RBFOX1: variants seen among roughly 807,000 people sequenced by gnomAD.
RBFOX1 encodes RNA binding protein fox-1 homolog 1.
RBFOX1 carries 8 observed loss-of-function variants against 57.7 expected under a neutral mutation model. The observed-to-expected ratio is 0.14, with a 90% CI of 0.08 to 0.25. The LOEUF is 0.25. Ranked by LOEUF, RBFOX1 falls within the 10% of genes least tolerant of loss-of-function variation. RBFOX1 has a pLI of 1.00. For synonymous variants in RBFOX1, 326 were observed against 222.4 expected (o/e 1.47, Z -4.15); for missense variants, 611 against 548.5 (o/e 1.11, Z -1.14).
At chr16:6,777,655 C>A (rs76546613) in intron 3 of RBFOX1, among the ~76,000 whole-genome samples, 2,974 of 152,138 alleles carry the variant, frequency 0.02, 117 homozygotes, top group African/African-American at 0.067. Flanking sequence ...AGTTTCTTAG[C>A]CTGACAGTTT....
chr16:5,554,395 AAAAATT>A (rs1344649709), intron 2 of RBFOX1, among the ~76,000 whole-genome samples: 1 of 152,214 alleles, frequency 6.6e-6, no homozygotes, highest in Non-Finnish European at 1.5e-5. Flanking sequence ...TTAAAAATAA[AAAAATT>A]AAAATTATTT....
rs1341395930 is a variant in RBFOX1, at chr16:5,424,871, TTTTTTTTCTTTCTTTC to T, written c.220-42341_220-42326del. Among the ~76,000 whole-genome samples the T allele has an allele frequency of 6.4e-3, 756 of 118,600 alleles. 24 individuals are homozygous for T. The highest frequency in any genetic ancestry group is 9.9e-3 in the African/African-American group (283 of 28,518). The allele number at this position is 118,600 out of a possible 152,430, so 77.8% of individuals were successfully genotyped here. A position where few individuals can be genotyped will look rare whatever the true frequency, so the allele number is the denominator to read the frequency against. On this transcript the variant is annotated intron_variant, in intron 1 of 2. Coordinates refer to the RBFOX1 transcript ENST00000585867. ...TTTCTCTCTCTCTCTTCTTTCTTTC[TTTTTTTTCTTTCTTTC>T]TTTCTTTCTTTCTTTCTTTCTTTCT...
chr16:6,189,467 T>C (rs1030492378), intron 1 of RBFOX1, among the ~76,000 whole-genome samples: 1 of 152,238 alleles, frequency 6.6e-6, no homozygotes, highest in African/African-American at 2.4e-5. Flanking sequence ...CGGGGCTAAT[T>C]GCTATTTAGC....
chr16:7,283,977 T>C (rs1249414356), intron 4 of RBFOX1, among the ~76,000 whole-genome samples: 1 of 152,220 alleles, frequency 6.6e-6, no homozygotes, highest in African/African-American at 2.4e-5. Flanking sequence ...GAATTGGCAG[T>C]CTCTTTTCTG....
chr16:5,936,976 A>G (rs1351931803), intron 4 of RBFOX1, among the ~76,000 whole-genome samples: 2 of 152,168 alleles, frequency 1.3e-5, no homozygotes, highest in African/African-American at 2.4e-5. Flanking sequence ...TTCTGCTCCT[A>G]TATAATCAGT....
chr16:6,354,512 A>G (rs1172527826), intron 2 of RBFOX1, among the ~76,000 whole-genome samples: 2 of 152,094 alleles, frequency 1.3e-5, no homozygotes, highest in Non-Finnish European at 1.5e-5. Flanking sequence ...TCAGAGGCTC[A>G]AGGTCAAACA....
At chr16:5,396,841 C>T (rs1898652439) in intron 1 of RBFOX1, among the ~76,000 whole-genome samples, 1 of 152,210 alleles carries the variant, frequency 6.6e-6, no homozygotes, top group African/African-American at 2.4e-5. Flanking sequence ...ATTTCTTGAA[C>T]TTCGTTGTCT....
At chr16:7,096,464 T>C (rs535459312) in intron 4 of RBFOX1, among the ~76,000 whole-genome samples, 132 of 152,264 alleles carry the variant, frequency 8.7e-4, no homozygotes, top group Admixed American at 4.4e-3. Flanking sequence ...GCAGCCCTGG[T>C]GGGTGGACCA....
At chr16:7,345,443 G>A (rs1024220718) in intron 4 of RBFOX1, among the ~76,000 whole-genome samples, 2 of 152,162 alleles carry the variant, frequency 1.3e-5, no homozygotes, top group Non-Finnish European at 2.9e-5. Flanking sequence ...TTTGGTGGGG[G>A]CTTAAGGATT....
chr16:6,936,140 G>T (rs909888988), intron 3 of RBFOX1, among the ~76,000 whole-genome samples: 1 of 152,164 alleles, frequency 6.6e-6, no homozygotes, highest in Non-Finnish European at 1.5e-5. Context: ...ACACTTGATG[G>T]ATGCTGGTCT....
At chr16:6,944,106 C>G (rs1019594821) in intron 3 of RBFOX1, among the ~76,000 whole-genome samples, 2 of 152,088 alleles carry the variant, frequency 1.3e-5, no homozygotes, top group Non-Finnish European at 2.9e-5. Flanking sequence ...CTACTTAAGA[C>G]CACACCCTGG....
chr16:7,055,349 C>G (rs1206342779), intron 4 of RBFOX1, among the ~76,000 whole-genome samples: 4 of 152,096 alleles, frequency 2.6e-5, no homozygotes, highest in Non-Finnish European at 2.9e-5. Context: ...TATGGAAAAG[C>G]TAAGAGTTAT....
chr16:6,695,112 T>C (rs2060819454), intron 3 of RBFOX1, among the ~76,000 whole-genome samples: 2 of 151,976 alleles, frequency 1.3e-5, no homozygotes, highest in South Asian at 4.2e-4. Context: ...TGAATATTAC[T>C]GTGTGTAAAA....
chr16:5,725,434 T>A (rs928696623), intron 3 of RBFOX1, among the ~76,000 whole-genome samples: 6 of 151,896 alleles, frequency 4.0e-5, no homozygotes, highest in African/African-American at 1.5e-4. Context: ...TATTATTATT[T>A]TTATTTTTTG....
At chr16:6,191,129 G>GTTTTTTT (rs5815289) in intron 1 of RBFOX1, among the ~76,000 whole-genome samples, 41 of 133,938 alleles carry the variant, frequency 3.1e-4, no homozygotes, top group Non-Finnish European at 3.2e-4. Flanking sequence ...TGCGTCTGTG[G>GTTTTTTT]TTTTTTTTTT....
At chr16:7,293,459 C>G (rs890714722) in intron 4 of RBFOX1, among the ~76,000 whole-genome samples, 6 of 152,160 alleles carry the variant, frequency 3.9e-5, no homozygotes, top group African/African-American at 1.4e-4. Context: ...TCCATTCTCT[C>G]TGCCACCATC....
At chr16:6,770,936 C>T (rs1034935853) in intron 3 of RBFOX1, among the ~76,000 whole-genome samples, 6 of 152,050 alleles carry the variant, frequency 3.9e-5, no homozygotes, top group South Asian at 2.1e-4. Flanking sequence ...TATTTGGAGG[C>T]CGAATTGTGT....
intron 1 of RBFOX1, among the ~76,000 whole-genome samples, chr16:6,281,877 C>T (rs891856724): frequency 6.6e-6 from 1 of 152,048 alleles, no homozygotes; most frequent in Non-Finnish European, 1.5e-5. Flanking sequence ...GGTTGGAACC[C>T]AGGCAATTTG....
At chr16:6,113,166 C>T (rs905265715) in intron 1 of RBFOX1, among the ~76,000 whole-genome samples, 1 of 152,158 alleles carries the variant, frequency 6.6e-6, no homozygotes, top group Non-Finnish European at 1.5e-5. Flanking sequence ...CACATCTGCC[C>T]TGGTGTCTTT....
Sources: allele counts gnomAD v4.1 joint callset (sites outside exome capture counted in the v4.1 genomes callset), GRCh38; gene constraint gnomAD v4.1.1; transcripts MANE v1.5; gene names NCBI Gene and HGNC (gene_info 2026-07-23, HGNC 2026-07-21).